ESCO1: variants seen among roughly 807,000 people sequenced by gnomAD.
ESCO1 encodes the protein establishment of sister chromatid cohesion N-acetyltransferase 1.
ESCO1 carries 33 observed loss-of-function variants against 83.5 expected under a neutral mutation model. The observed-to-expected ratio is 0.40, with a 90% CI of 0.30 to 0.53. ESCO1 has a LOEUF of 0.53. Ranked by LOEUF, ESCO1 falls within the 20% of genes least tolerant of loss-of-function variation. The pLI is 0.63. For missense variants in ESCO1, 855 were observed against 968.0 expected (o/e 0.88, Z 1.55); for synonymous variants, 332 against 324.3 (o/e 1.02, Z -0.25).
chr18:21,564,652 T>C (rs1257974754), intron 6 of ESCO1, among the ~76,000 whole-genome samples: 1 of 151,278 alleles, frequency 6.6e-6, no homozygotes, highest in Non-Finnish European at 1.5e-5. Flanking sequence ...TGCCTCAGCC[T>C]CCCAAAGTGC....
chr18:21,591,956 G>C (rs1395922916), intron 1 of ESCO1, among the ~76,000 whole-genome samples: 4 of 151,432 alleles, frequency 2.6e-5, no homozygotes, highest in Admixed American at 6.6e-5. Flanking sequence ...AGTGGACACA[G>C]CACATGTTTC....
At chr18:21,540,960 A>G (rs898954095) in intron 8 of ESCO1, among the ~76,000 whole-genome samples, 1 of 152,130 alleles carries the variant, frequency 6.6e-6, no homozygotes, top group African/African-American at 2.4e-5. Context: ...AAACCAAGAA[A>G]ATGGCAACTA....
chr18:21,586,726 G>A (rs892644613), intron 1 of ESCO1, among the ~76,000 whole-genome samples: 2 of 152,078 alleles, frequency 1.3e-5, no homozygotes, highest in South Asian at 2.1e-4. Context: ...CAATCTGGAC[G>A]CCTTTTATTT....
At chr18:21,581,034 G>A (rs143832699) in intron 2 of ESCO1, among the ~76,000 whole-genome samples, 10 of 150,214 alleles carry the variant, frequency 6.7e-5, no homozygotes, top group South Asian at 2.1e-4. Flanking sequence ...AGGGTAGGCC[G>A]GGTGCGGAGG....
chr18:21,595,824 C>T (rs1420834797), intron 1 of ESCO1, among the ~76,000 whole-genome samples: 3 of 151,060 alleles, frequency 2.0e-5, no homozygotes, highest in African/African-American at 4.9e-5. Context: ...ATTAGCCGGG[C>T]ATGGTGGCGG....
intron 10 of ESCO1, among the ~76,000 whole-genome samples, chr18:21,535,196 A>G (rs929832985): frequency 1.3e-5 from 2 of 152,082 alleles, no homozygotes; most frequent in African/African-American, 4.8e-5. Flanking sequence ...AACTTCCAAA[A>G]TAAACTTTGA....
intron 8 of ESCO1, among the ~76,000 whole-genome samples, chr18:21,546,837 G>A (rs746085628): frequency 2.6e-5 from 4 of 152,146 alleles, no homozygotes; most frequent in Non-Finnish European, 4.4e-5. Flanking sequence ...GTGAGCCACC[G>A]TGCCTGGCTG....
chr18:21,545,572 CAAAAA>C (rs766178068), intron 8 of ESCO1, among the ~76,000 whole-genome samples: 1 of 93,452 alleles, frequency 1.1e-5, no homozygotes, highest in Non-Finnish European at 2.3e-5. Flanking sequence ...GACACCGTCT[CAAAAA>C]AAAAAAAAAA....
chr18:21,532,508 C>A lies in ESCO1; in HGVS notation c.2340G>T (p.Arg780=), dbSNP rs1432046408. The change falls in exon 11 of 12, where the codon CGG becomes CGT. Residue 780 remains arginine, a synonymous_variant. Transcript: ENST00000269214. ...CAATCATGCGAGAAGCAATTTTCTT[C>A]CGACGCATCATGCTGAATACCCATA... ...SRIWVFSMMR[R]KKIASRMIEC... The A allele has an allele frequency of 1.9e-6, 3 of 1,613,150 alleles. No individual in the cohort carries two copies. The highest frequency in any genetic ancestry group is 2.7e-5 in the African/African-American group (2 of 74,890).
intron 2 of ESCO1, among the ~76,000 whole-genome samples, chr18:21,583,780 T>C (rs1367012060): frequency 6.6e-6 from 1 of 152,194 alleles, no homozygotes; most frequent in African/African-American, 2.4e-5. Flanking sequence ...TTCTTTATCT[T>C]GACTGTAGTG....
At chr18:21,559,287 G>A (rs1164488871) in intron 8 of ESCO1, among the ~76,000 whole-genome samples, 2 of 152,216 alleles carry the variant, frequency 1.3e-5, no homozygotes, top group East Asian at 3.8e-4. Context: ...TCAAGGGGGG[G>A]TTGGAGGAGG....
At position 21,574,727 on chromosome 18, in the gene ESCO1, T is replaced by C. The variant is rs2038396243; in HGVS notation, c.117A>G (p.Ser39=). The change falls in exon 4 of 12, where the codon TCA becomes TCG. Residue 39 remains serine (S), a synonymous_variant. Transcript: ENST00000269214. ...GTGATTTTATAGTCTCCTTTGGACC[T>C]GATTTTTTTGCTAGATTCTTTTGAG... ...QDSQKNLAKK[S]GPKETIKSQA... The C allele has an allele frequency of 1.2e-6, 2 of 1,611,402 alleles. No homozygotes were observed. The highest frequency in any genetic ancestry group is 1.7e-6 in the Non-Finnish European group (2 of 1,179,894).
At chr18:21,599,827 T>C (rs959942579) in intron 1 of ESCO1, among the ~76,000 whole-genome samples, 2 of 152,166 alleles carry the variant, frequency 1.3e-5, no homozygotes, top group African/African-American at 4.8e-5. Flanking sequence ...CTTCGAATTG[T>C]TGGACTTGCT....
intron 8 of ESCO1, among the ~76,000 whole-genome samples, chr18:21,555,183 A>G (rs1346048549): frequency 6.6e-6 from 1 of 152,202 alleles, no homozygotes; most frequent in Non-Finnish European, 1.5e-5. Flanking sequence ...TACATACTAT[A>G]TTATTCCAAC....
intron 4 of ESCO1, among the ~76,000 whole-genome samples, chr18:21,572,841 G>A (rs1440554571): frequency 1.3e-5 from 2 of 151,974 alleles, no homozygotes; most frequent in Non-Finnish European, 2.9e-5. Flanking sequence ...ATGCATGCCT[G>A]TAATCCCAGC....
chr18:21,551,786 A>G (rs1438532461), intron 8 of ESCO1, among the ~76,000 whole-genome samples: 1 of 152,212 alleles, frequency 6.6e-6, no homozygotes, highest in East Asian at 1.9e-4. Flanking sequence ...CCCCAATCTC[A>G]GCTGGAGAGA....
At chr18:21,535,915 G>T in intron 10 of ESCO1, 127 bp downstream of exon 10, 2 of 1,126,342 alleles carry the variant, frequency 1.8e-6, no homozygotes, top group East Asian at 2.4e-5. Context: ...TCACACATGG[G>T]AATTCTTGCA....
At chr18:21,572,250 A>T (rs2038350878) in intron 4 of ESCO1, among the ~76,000 whole-genome samples, 1 of 152,184 alleles carries the variant, frequency 6.6e-6, no homozygotes, top group Non-Finnish European at 1.5e-5. Flanking sequence ...CTTATTATAA[A>T]ATTAAACAGT....
intron 6 of ESCO1, 97 bp from the exon 7 acceptor site, chr18:21,564,414 G>T (rs748915800): frequency 1.6e-5 from 13 of 826,886 alleles, no homozygotes; most frequent in Non-Finnish European, 2.3e-5. Flanking sequence ...TTTTTGAGAC[G>T]AAGTCTCACT....
Sources: allele counts gnomAD v4.1 joint callset (sites outside exome capture counted in the v4.1 genomes callset), GRCh38; gene constraint gnomAD v4.1.1; transcripts MANE v1.5; gene names NCBI Gene and HGNC (gene_info 2026-07-23, HGNC 2026-07-21).